Variants in GSK3B observed in about 807,000 individuals in gnomAD.
The protein encoded by GSK3B is glycogen synthase kinase-3 beta.
A neutral mutation model predicts 56.4 loss-of-function variants in GSK3B; 15 were observed. The observed-to-expected ratio is 0.27, with a 90% CI of 0.18 to 0.41. GSK3B has a LOEUF of 0.41. Among genes scored for constraint, GSK3B ranks in the 10% least tolerant of loss-of-function variants. The pLI, the probability that GSK3B is intolerant of heterozygous loss-of-function variation, is 1.00. For synonymous variants in GSK3B, 181 were observed against 188.9 expected, an observed-to-expected ratio of 0.96 and a Z score of 0.34; for missense variants, 300 against 513.4, an observed-to-expected ratio of 0.58 and a Z score of 4.02.
intron 2 of GSK3B, among the ~76,000 whole-genome samples, chr3:119,982,965 G>C (rs1262356982): frequency 1.3e-5 from 2 of 152,128 alleles, no homozygotes; most frequent in South Asian, 2.1e-4. Context: ...GAGAAAGGTC[G>C]AGTTAATCAC....
At position 119,950,572 on chromosome 3, in the gene GSK3B, T is replaced by C. The variant is rs532467431; in HGVS notation, c.283-3221A>G. ...TAGAACAATGGTGAAAAAAACTGACTAGATTGAATTAAAGTGGGTGTAGGG... is the reference window on the plus strand; with the variant it reads ...TAGAACAATGGTGAAAAAAACTGACCAGATTGAATTAAAGTGGGTGTAGGG... On this transcript the variant is annotated intron_variant, in intron 2 of 10. Coordinates refer to ENST00000264235, the MANE Select transcript of GSK3B (RefSeq NM_001146156.2). Among the ~76,000 whole-genome samples, 15 of 152,260 alleles carry C rather than the reference T, an allele frequency of 9.9e-5. No individual in the cohort carries two copies. In the South Asian group the frequency reaches 2.9e-3, roughly 29 times the overall value.
intron 7 of GSK3B, among the ~76,000 whole-genome samples, chr3:119,886,735 A>C (rs1229277793): frequency 6.6e-6 from 1 of 152,198 alleles, no homozygotes; most frequent in Non-Finnish European, 1.5e-5. Context: ...ATGCTGCTGG[A>C]AGCCATTATC....
intron 8 of GSK3B, among the ~76,000 whole-genome samples, chr3:119,870,782 A>T (rs145757945): frequency 6.6e-6 from 1 of 152,176 alleles, no homozygotes; most frequent in Non-Finnish European, 1.5e-5. Context: ...TTCAGGGCAG[A>T]GGGGGGTTGA....
intron 8 of GSK3B, among the ~76,000 whole-genome samples, chr3:119,875,943 T>C (rs938782157): frequency 4.6e-5 from 7 of 152,192 alleles, no homozygotes; most frequent in Admixed American, 1.3e-4. Flanking sequence ...CTTTCTAATC[T>C]TGTTTCCAAA....
intron 1 of GSK3B, among the ~76,000 whole-genome samples, chr3:120,019,304 C>G (rs1479066682): frequency 6.6e-6 from 1 of 152,058 alleles, no homozygotes; most frequent in Non-Finnish European, 1.5e-5. Context: ...TAGTAGCATT[C>G]TACTCCCCAT....
chr3:120,076,974 CT>C (rs2058372577), intron 1 of GSK3B, among the ~76,000 whole-genome samples: 1 of 151,828 alleles, frequency 6.6e-6, no homozygotes, highest in South Asian at 2.1e-4. Flanking sequence ...CACCTCACCC[CT>C]GTTAGGATAT....
intron 9 of GSK3B, among the ~76,000 whole-genome samples, chr3:119,852,612 T>G (rs1202623881): frequency 6.6e-6 from 1 of 152,202 alleles, no homozygotes; most frequent in Non-Finnish European, 1.5e-5. Flanking sequence ...CCTCCCAAAG[T>G]TCTGGGATTA....
chr3:119,873,739 A>C (rs768269525), intron 8 of GSK3B, among the ~76,000 whole-genome samples: 22 of 152,114 alleles, frequency 1.4e-4, no homozygotes, highest in Non-Finnish European at 2.9e-4. Context: ...AAAACAATAA[A>C]ATTTCTGCAT....
chr3:119,859,511 CTT>C (rs2056070975), intron 9 of GSK3B, among the ~76,000 whole-genome samples: 1 of 152,104 alleles, frequency 6.6e-6, no homozygotes. Context: ...GAAATACAAA[CTT>C]TTGATGAGCT....
intron 7 of GSK3B, among the ~76,000 whole-genome samples, chr3:119,904,556 G>A (rs776561821): frequency 1.3e-5 from 2 of 152,034 alleles, no homozygotes; most frequent in Non-Finnish European, 2.9e-5. Flanking sequence ...AACCACCTTT[G>A]ATTTTTAAAA....
At chr3:120,009,702 TA>T (rs1431141885) in intron 1 of GSK3B, among the ~76,000 whole-genome samples, 1 of 151,738 alleles carries the variant, frequency 6.6e-6, no homozygotes. Context: ...GGTGGGGGGC[TA>T]GGGGAGACAT....
chr3:119,886,276 C>A (rs1412210550), intron 7 of GSK3B, among the ~76,000 whole-genome samples: 1 of 151,960 alleles, frequency 6.6e-6, no homozygotes, highest in Non-Finnish European at 1.5e-5. Flanking sequence ...AAGTGGCCAA[C>A]AAACATGAAA....
At chr3:120,059,331 A>G (rs1187271147) in intron 1 of GSK3B, among the ~76,000 whole-genome samples, 1 of 152,196 alleles carries the variant, frequency 6.6e-6, no homozygotes, top group Non-Finnish European at 1.5e-5. Context: ...TATCTTCAGG[A>G]GTCTAGCAGA....
intron 7 of GSK3B, among the ~76,000 whole-genome samples, chr3:119,882,711 G>A (rs1286213442): frequency 1.3e-5 from 2 of 152,064 alleles, no homozygotes; most frequent in African/African-American, 4.8e-5. Flanking sequence ...AATCTGCTTT[G>A]ATGAATAGTG....
chr3:120,073,303 C>T (rs2058343363), intron 1 of GSK3B, among the ~76,000 whole-genome samples: 1 of 149,274 alleles, frequency 6.7e-6, no homozygotes, highest in Admixed American at 6.7e-5. Context: ...GCAAGAGTAT[C>T]ACCTGAGCCC....
intron 8 of GSK3B, chr3:119,866,737 G>A (rs2056188679): frequency 1.1e-5 from 8 of 707,692 alleles, no homozygotes; most frequent in East Asian, 2.7e-5. Flanking sequence ...CATGGTGTGG[G>A]GGGGGACATA....
At chr3:119,827,229 A>T (rs1422176907) in intron 10 of GSK3B, among the ~76,000 whole-genome samples, 2 of 152,194 alleles carry the variant, frequency 1.3e-5, no homozygotes, top group African/African-American at 4.8e-5. Context: ...AAAAATTTGA[A>T]CCATGTTACA....
chr3:120,030,953 A>G (rs916328605), intron 1 of GSK3B, among the ~76,000 whole-genome samples: 2 of 152,230 alleles, frequency 1.3e-5, no homozygotes, highest in Non-Finnish European at 2.9e-5. Flanking sequence ...TCCAGTATTC[A>G]ATACACTATA....
chr3:120,073,698 T>C (rs1158190095), intron 1 of GSK3B, among the ~76,000 whole-genome samples: 1 of 152,200 alleles, frequency 6.6e-6, no homozygotes, highest in East Asian at 1.9e-4. Context: ...ATAAAGGCCA[T>C]ACAGTGGAGC....
Sources: gnomAD v4.1 joint callset for allele counts (sites outside exome capture counted in the v4.1 genomes callset) on GRCh38, gnomAD v4.1.1 for gene constraint, MANE v1.5 for transcripts, NCBI Gene and HGNC (gene_info 2026-07-23, HGNC 2026-07-21) for gene names.